Variants in HDC observed in about 807,000 individuals in gnomAD.
The protein encoded by HDC is histidine decarboxylase.
HDC carries 27 observed loss-of-function variants against 64.4 expected under a neutral mutation model. The observed-to-expected ratio is 0.42, with a 90% CI of 0.31 to 0.58. The LOEUF (loss-of-function observed/expected upper bound fraction) is 0.58. HDC is among the 20% of genes least tolerant of loss of function. The pLI is 0.16. For synonymous variants in HDC, 305 were observed against 314.2 expected (o/e 0.97, Z 0.31); for missense variants, 711 against 833.9 (o/e 0.85, Z 1.81).
At chr15:50,254,689 G>GCAGC (rs773414645) in intron 4 of HDC, 25 bp from the exon 5 acceptor site, 1 of 1,611,738 alleles carries the variant, frequency 6.2e-7, no homozygotes, top group East Asian at 2.2e-5. Context: ...GATTATCATG[G>GCAGC]CAGCCTTTCT....
In HDC at chr15:50,252,755, C is replaced by G; in HGVS notation, c.807G>C (p.Trp269Cys). 2 of 1,613,706 alleles carry G rather than the reference C, an allele frequency of 1.2e-6. No homozygotes were observed. Among genetic ancestry groups the G allele is most frequent in the Non-Finnish European group, 1.7e-6 (2 of 1,179,872 alleles). Reference protein sequence around the residue: ...LGPICAREGLWLHIDAAYAGT... With the variant: ...LGPICAREGLCLHIDAAYAGT... ...CTGCATAAGCAGCATCGATGTGGAGCCACAGCCCCTCACGGGCACCTGAGG... is the reference window on the plus strand; with the variant it reads ...CTGCATAAGCAGCATCGATGTGGAGGCACAGCCCCTCACGGGCACCTGAGG... Residue 269 changes from tryptophan to cysteine, a missense_variant, in exon 8 of 12, where the codon TGG becomes TGC. Trp to Cys is a radical substitution (Grantham distance 215). Around this residue, in one of 3 missense-constraint regions of HDC, gnomAD observed 483 missense variants for 540.9 expected, o/e 0.89. Coordinates refer to ENST00000267845, the MANE Select transcript of HDC (RefSeq NM_002112.4).
intron 2 of HDC, among the ~76,000 whole-genome samples, chr15:50,262,771 C>T (rs1279738005): frequency 3.9e-5 from 6 of 152,130 alleles, no homozygotes; most frequent in African/African-American, 7.2e-5. Flanking sequence ...AGGATGTGTT[C>T]CCCACTTCCT....
Position 50,252,756 on chromosome 15 carries a change from C to T in HDC, c.806G>A (p.Trp269Ter). 1 of 1,613,512 alleles carries T rather than the reference C, an allele frequency of 6.2e-7. No homozygotes were observed. Among genetic ancestry groups the T allele is most frequent in the Non-Finnish European group, 8.5e-7 (1 of 1,179,794 alleles). The change falls in exon 8 of 12, where the codon TGG (tryptophan) becomes TAG (stop). Residue 269 changes from tryptophan to a stop codon, truncating the protein, a stop_gained. Coordinates refer to ENST00000267845, the MANE Select transcript of HDC (RefSeq NM_002112.4). LOFTEE classifies it high-confidence loss of function. The stretch of plus-strand genomic sequence containing the variant: ...TGCATAAGCAGCATCGATGTGGAGC[C>T]ACAGCCCCTCACGGGCACCTGAGGA... ...LGPICAREGL[W>*]LHIDAAYAGT... is the part of the protein sequence containing the mutation.
At chr15:50,245,823 G>A (rs2045474681) in intron 10 of HDC, among the ~76,000 whole-genome samples, 1 of 152,150 alleles carries the variant, frequency 6.6e-6, no homozygotes, top group Non-Finnish European at 1.5e-5. Flanking sequence ...TGAGCCTGGG[G>A]AGGTCAAGGC....
chr15:50,247,113 G>C (rs2045492589), intron 10 of HDC, among the ~76,000 whole-genome samples: 1 of 152,264 alleles, frequency 6.6e-6, no homozygotes, highest in African/African-American at 2.4e-5. Flanking sequence ...CAGGGAATGG[G>C]GGATAAAGAG....
chr15:50,263,455 G>T, intron 1 of HDC, 48 bp from the exon 2 acceptor site: 2 of 1,580,056 alleles, frequency 1.3e-6, no homozygotes, highest in South Asian at 2.2e-5. Flanking sequence ...GACTGGGCCT[G>T]ACCGATTTGT....
At chr15:50,244,486 G>C (rs779057997) in intron 10 of HDC, 1 of 151,588 alleles carries the variant, frequency 6.6e-6, no homozygotes, top group African/African-American at 2.4e-5. Flanking sequence ...TAATTTTTTT[G>C]TAAAGACAGT....
At chr15:50,256,427 C>T (rs1194198404) in intron 4 of HDC, among the ~76,000 whole-genome samples, 1 of 152,164 alleles carries the variant, frequency 6.6e-6, no homozygotes, top group Non-Finnish European at 1.5e-5. Flanking sequence ...CTTACACTGT[C>T]GCCCAGGCTG....
chr15:50,244,560 C>G (rs560614344), intron 10 of HDC: 69 of 152,370 alleles, frequency 4.5e-4, no homozygotes, highest in African/African-American at 1.6e-3. Flanking sequence ...CCTTCCTAGG[C>G]CTCCCAAAGT....
At position 50,241,985 on chromosome 15, in the gene HDC, T is replaced by C. The variant is rs1324765105; in HGVS notation, c.*275A>G. ...ACAAGCATAATTTATTTCTGTGTTA[T>C]ATATCATGTCACAAGCTGAACCACA... is the stretch of plus-strand genomic sequence containing the variant. On this transcript the variant is annotated 3_prime_UTR_variant, in exon 12 of 12. Coordinates refer to ENST00000267845, the MANE Select transcript of HDC (RefSeq NM_002112.4). The C allele has an allele frequency of 9.1e-6, 5 of 548,288 alleles. No individual in the cohort carries two copies. Among genetic ancestry groups the C allele is most frequent in the Non-Finnish European group, 1.3e-5 (4 of 306,784 alleles). 34.0% of individuals were successfully genotyped at this position (548,288 alleles called of 1,614,324 possible).
intron 1 of HDC, among the ~76,000 whole-genome samples, chr15:50,264,485 A>G (rs1423816034): frequency 3.3e-5 from 5 of 152,194 alleles, no homozygotes; most frequent in African/African-American, 9.7e-5. Context: ...GTGAATGAAC[A>G]TATGAGTAAG....
chr15:50,252,339 G>C, intron 9 of HDC, 91 bp downstream of exon 9: 2 of 937,702 alleles, frequency 2.1e-6, no homozygotes, highest in Non-Finnish European at 3.5e-6. Flanking sequence ...GCCTTCTGAA[G>C]GGAGCCACCG....
chr15:50,250,063 C>G (rs555367488), intron 9 of HDC, among the ~76,000 whole-genome samples: 1 of 152,340 alleles, frequency 6.6e-6, no homozygotes, highest in Non-Finnish European at 1.5e-5. Context: ...AACGCTCCCT[C>G]CACTGGTGCT....
At chr15:50,261,505 G>A (rs926460700) in intron 2 of HDC, among the ~76,000 whole-genome samples, 1 of 152,054 alleles carries the variant, frequency 6.6e-6, no homozygotes, top group Non-Finnish European at 1.5e-5. Flanking sequence ...TCATGGCCAG[G>A]CGTAGTGGCT....
intron 7 of HDC, chr15:50,253,212 T>TC: frequency 2.7e-6 from 1 of 370,966 alleles, no homozygotes. Flanking sequence ...TCCCATGATT[T>TC]CCCCTACCCT....
At chr15:50,255,064 G>A (rs1341190750) in intron 4 of HDC, among the ~76,000 whole-genome samples, 1 of 152,210 alleles carries the variant, frequency 6.6e-6, no homozygotes, top group Admixed American at 6.5e-5. Context: ...CCCAGGAAGA[G>A]AGGATCCTGG....
intron 4 of HDC, 69 bp from the exon 5 acceptor site, chr15:50,254,733 G>GA: frequency 9.3e-7 from 1 of 1,075,092 alleles, no homozygotes; most frequent in Non-Finnish European, 1.3e-6. Context: ...AGGCTTTCTA[G>GA]TTTTTTCTCT....
intron 10 of HDC, among the ~76,000 whole-genome samples, chr15:50,246,751 G>A (rs1285007041): frequency 6.6e-6 from 1 of 152,130 alleles, no homozygotes; most frequent in African/African-American, 2.4e-5. Context: ...GTCCCAAACT[G>A]TAAGCAAAAA....
Position 50,248,145 on chromosome 15 carries a change from G to C in HDC, c.1140+100C>G, listed in dbSNP as rs150084027. Reference sequence around the variant, plus strand: ...GGCCCAGACACCTGAACCACACACCGCAAGTCTCCTAGGCAGATCTGCAAA... The same window carrying C: ...GGCCCAGACACCTGAACCACACACCCCAAGTCTCCTAGGCAGATCTGCAAA... On this transcript the variant is annotated intron_variant, in intron 10 of 11. Transcript: ENST00000267845. The surrounding 1 kb of genome is among the most constrained non-coding windows in gnomAD (Gnocchi z 4.3). 2 of 806,926 alleles carry C rather than the reference G, an allele frequency of 2.5e-6. No homozygotes were observed. The highest frequency in any genetic ancestry group is 4.3e-6 in the Non-Finnish European group (2 of 469,532). 50.0% of individuals were successfully genotyped at this position (806,926 alleles called of 1,614,324 possible). A position where few individuals can be genotyped will look rare whatever the true frequency, so the allele number is the denominator to read the frequency against.
Sources: allele counts gnomAD v4.1 joint callset (sites outside exome capture counted in the v4.1 genomes callset), GRCh38; gene constraint gnomAD v4.1.1; regional missense constraint gnomAD v4.1.1; non-coding constraint Gnocchi (gnomAD v3.1); transcripts MANE v1.5; gene names NCBI Gene and HGNC (gene_info 2026-07-23, HGNC 2026-07-21).